The following RDX variants were observed in gnomAD, a reference collection of about 807,000 sequenced individuals.
The protein encoded by RDX is deafness, autosomal recessive 24.
In RDX, 32 loss-of-function variants were observed where a neutral mutation model predicts 83.7. That is an observed-to-expected ratio of 0.38 (90% CI 0.29 to 0.51). The LOEUF (loss-of-function observed/expected upper bound fraction) is 0.51, where lower values mean the gene tolerates loss of function less well. Among genes scored for constraint, RDX ranks in the 20% least tolerant of loss-of-function variants. The probability of loss-of-function intolerance (pLI) is 0.87; values close to 1 mark genes in which losing one functional copy is unlikely to be tolerated. For synonymous variants in RDX, 229 were observed against 222.7 expected, an observed-to-expected ratio of 1.03 and a Z score of -0.25; for missense variants, 600 against 689.9, an observed-to-expected ratio of 0.87 and a Z score of 1.46.
rs528556180 is a variant in RDX, at chr11:110,177,057, T to C, written c.*32-1823A>G. Among the ~76,000 whole-genome samples, 4 of 152,316 alleles carry C rather than the reference T, an allele frequency of 2.6e-5. No homozygotes were observed. The South Asian group carries it at 8.3e-4, about 32-fold the overall frequency. On this transcript the variant is annotated intron_variant, in intron 15 of 15. Transcript: ENST00000528498. ...CAGAGTTTCTGGAGCCAAATGCATC[T>C]TCCAGAGAAAAGAAACACATTTCCA... is the stretch of plus-strand genomic sequence containing the variant.
chr11:110,205,358 A>G (rs751836958), intron 14 of RDX, among the ~76,000 whole-genome samples: 1 of 151,758 alleles, frequency 6.6e-6, no homozygotes, highest in Non-Finnish European at 1.5e-5. Flanking sequence ...ACACACAAGA[A>G]AAAATCCCCA....
chr11:110,295,261 T>C (rs910579055), intron 1 of RDX, among the ~76,000 whole-genome samples: 3 of 150,988 alleles, frequency 2.0e-5, no homozygotes, highest in Non-Finnish European at 2.9e-5. Flanking sequence ...ACGGGGTAAT[T>C]GTTCCTTCTT....
chr11:110,272,829 A>G (rs1007909798), intron 2 of RDX: 1 of 560,164 alleles, frequency 1.8e-6, no homozygotes, highest in Non-Finnish European at 3.2e-6. Flanking sequence ...TGGGCTTTCC[A>G]TACTCTCATT....
chr11:110,293,066 A>G (rs1861308633), intron 1 of RDX, among the ~76,000 whole-genome samples: 1 of 152,246 alleles, frequency 6.6e-6, no homozygotes, highest in Non-Finnish European at 1.5e-5. Flanking sequence ...GTGTGCTTTT[A>G]TTCAAATGAT....
intron 3 of RDX, among the ~76,000 whole-genome samples, chr11:110,267,515 A>AACACACACACACACAC (rs71053877): frequency 3.0e-5 from 4 of 131,388 alleles, no homozygotes; most frequent in African/African-American, 8.6e-5. Context: ...TCCGTCTCAA[A>AACACACACACACACAC]ACACACACAC....
intron 1 of RDX, among the ~76,000 whole-genome samples, chr11:110,280,169 T>G (rs1164538475): frequency 6.6e-6 from 1 of 152,024 alleles, no homozygotes; most frequent in Non-Finnish European, 1.5e-5. Context: ...TTATTCAATG[T>G]TTTTTTTCTG....
At chr11:110,223,521 C>G (rs1248493485) in intron 14 of RDX, among the ~76,000 whole-genome samples, 5 of 151,748 alleles carry the variant, frequency 3.3e-5, no homozygotes, top group Admixed American at 6.6e-5. Flanking sequence ...GAGAAAGACT[C>G]TGTCTCAAAA....
intron 12 of RDX, among the ~76,000 whole-genome samples, chr11:110,235,379 G>A (rs560048815): frequency 6.6e-6 from 1 of 152,120 alleles, no homozygotes; most frequent in South Asian, 2.1e-4. Flanking sequence ...TCCAATCACT[G>A]GTTCCCATGC....
intron 1 of RDX, among the ~76,000 whole-genome samples, chr11:110,289,565 C>G (rs193095666): frequency 1.3e-5 from 2 of 152,126 alleles, no homozygotes; most frequent in African/African-American, 4.8e-5. Flanking sequence ...CCAAAGGGAT[C>G]TAAAGTCAAT....
chr11:110,184,009 A>T lies in RDX; in HGVS notation c.*32-8775T>A, dbSNP rs565869381. Among the ~76,000 whole-genome samples, 8 of 152,300 alleles carry T rather than the reference A, an allele frequency of 5.3e-5. No individual in the cohort carries two copies. In the South Asian group the frequency reaches 1.7e-3, roughly 32 times the overall value. On this transcript the variant is annotated intron_variant, in intron 15 of 15. Transcript: ENST00000528498. ...TATCCCTGCTAGATGTCAGTGCCAC[A>T]CACACCCAAATCTCAGCAATCACAA...
chr11:110,240,937 C>A (rs1214509160), intron 10 of RDX, among the ~76,000 whole-genome samples: 1 of 145,856 alleles, frequency 6.9e-6, no homozygotes, highest in Non-Finnish European at 1.5e-5. Context: ...GCGCCTGTAA[C>A]CTCAGCTACT....
Position 110,274,494 on chromosome 11 carries a change from C to T in RDX, c.13-1875G>A, listed in dbSNP as rs552317411. On this transcript the variant is annotated intron_variant, in intron 2 of 13. Coordinates refer to ENST00000645495, the MANE Select transcript of RDX (RefSeq NM_002906.4). The stretch of plus-strand genomic sequence containing the variant: ...TGCTTACATGGGTATATTCACTTTA[C>T]GAAAATTCATCAACTACACACTTTT... Among the ~76,000 whole-genome samples the T allele has an allele frequency of 1.2e-4, 18 of 152,230 alleles. 1 individual carries two copies. The South Asian group carries it at 3.1e-3, about 26-fold the overall frequency.
chr11:110,265,109 G>GTTTTTTTTTTT (rs71053876), intron 3 of RDX, among the ~76,000 whole-genome samples: 10 of 90,676 alleles, frequency 1.1e-4, no homozygotes, highest in African/African-American at 2.2e-4. Flanking sequence ...TTTTTTTTTT[G>GTTTTTTTTTTT]TTTTTTTTTT....
chr11:110,276,208 C>CATATTGG (rs1473558115), intron 2 of RDX, among the ~76,000 whole-genome samples: 11 of 152,104 alleles, frequency 7.2e-5, no homozygotes, highest in Non-Finnish European at 1.5e-4. Flanking sequence ...GGTCCAATTT[C>CATATTGG]ATTTTTTAAT....
In RDX at chr11:110,178,441, A is replaced by G. The variant is rs183859614; in HGVS notation, c.*32-3207T>C. 3.3e-4 allele frequency among the ~76,000 whole-genome samples: 50 copies of G among 152,256 alleles called. 1 individual carries two copies. Among genetic ancestry groups the G allele is most frequent in the Admixed American group, 3.2e-3 (49 of 15,296 alleles). On this transcript the variant is annotated intron_variant, in intron 15 of 15. Coordinates refer to the RDX transcript ENST00000528498. ...AGAGAACTAAGGGTCACCACTGCCT[A>G]CATCATGTTTAGGACTATGCCGTGG... is the stretch of plus-strand genomic sequence containing the variant.
chr11:110,211,119 T>C (rs937823680), intron 14 of RDX, among the ~76,000 whole-genome samples: 3 of 152,090 alleles, frequency 2.0e-5, no homozygotes, highest in East Asian at 1.9e-4. Flanking sequence ...GAGACACACA[T>C]AGGCTCAAAA....
chr11:110,206,668 C>T (rs959234050), intron 14 of RDX, among the ~76,000 whole-genome samples: 2 of 152,050 alleles, frequency 1.3e-5, no homozygotes, highest in African/African-American at 4.8e-5. Flanking sequence ...TTCTCTAATA[C>T]TGTTATAAAT....
chr11:110,189,797 C>A (rs892212405), intron 15 of RDX, among the ~76,000 whole-genome samples: 1 of 152,100 alleles, frequency 6.6e-6, no homozygotes, highest in East Asian at 1.9e-4. Context: ...CAAAAAAATT[C>A]TTTTGGCCAG....
downstream of RDX, among the ~76,000 whole-genome samples, chr11:110,225,980 C>T (rs1006305103): frequency 8.6e-5 from 13 of 151,120 alleles, no homozygotes; most frequent in Non-Finnish European, 1.3e-4. Flanking sequence ...GCAGGACAAT[C>T]GCTTGAACCC....
Sources: allele counts gnomAD v4.1 joint callset (sites outside exome capture counted in the v4.1 genomes callset), GRCh38; gene constraint gnomAD v4.1.1; transcripts MANE v1.5; gene names NCBI Gene and HGNC (gene_info 2026-07-23, HGNC 2026-07-21).